Variants in SORL1 observed in about 807,000 individuals in gnomAD.
SORL1 encodes the protein sortilin-related receptor.
Under a neutral mutation model 273.7 loss-of-function variants are expected in SORL1, and 127 were observed. The ratio of observed to expected loss-of-function variants is 0.46; its 90% CI spans 0.40 to 0.54. SORL1 has a LOEUF of 0.54. SORL1 is among the 20% of genes least tolerant of loss of function. The pLI, the probability that SORL1 is intolerant of heterozygous loss-of-function variation, is 0.00. For missense variants in SORL1, 2,494 were observed against 2,846.1 expected, an observed-to-expected ratio of 0.88 and a Z score of 2.81; for synonymous variants, 1,031 against 1,067.4, an observed-to-expected ratio of 0.97 and a Z score of 0.66.
intron 31 of SORL1, among the ~76,000 whole-genome samples, chr11:121,592,633 A>G (rs547460788): frequency 3.9e-4 from 60 of 152,192 alleles, no homozygotes; most frequent in Middle Eastern, 6.8e-3. Flanking sequence ...TTCCATAGCC[A>G]TTGTGTGGAC....
At chr11:121,552,924 A>C (rs1456139276) in intron 16 of SORL1, among the ~76,000 whole-genome samples, 3 of 151,988 alleles carry the variant, frequency 2.0e-5, no homozygotes, top group African/African-American at 4.8e-5. Context: ...GCTTGTGTCC[A>C]CTCCTGGGGA....
Position 121,629,801 on chromosome 11 carries a change from T to G in SORL1, c.*238T>G. 1.2e-5 allele frequency: 6 copies of G among 515,076 alleles called. No homozygotes were observed. The highest frequency in any genetic ancestry group is 3.3e-5 in the East Asian group (1 of 29,890). The allele number at this position is 515,076 out of a possible 1,614,324, so 31.9% of individuals were successfully genotyped here. ...CAATTGCTTTGATTTGACATTAATG[T>G]AGTCTTACAGGGCTGTGCTTGCTGG... is the stretch of plus-strand genomic sequence containing the variant. On this transcript the variant is annotated 3_prime_UTR_variant, in exon 48 of 48. Coordinates refer to ENST00000260197, the MANE Select transcript of SORL1 (RefSeq NM_003105.6).
At chr11:121,606,800 C>A in intron 35 of SORL1, 45 bp from the exon 36 acceptor site, 1 of 1,295,400 alleles carries the variant, frequency 7.7e-7, no homozygotes, top group Non-Finnish European at 1.1e-6. Flanking sequence ...CTCTGGTTGG[C>A]TGCTATGCAG....
intron 26 of SORL1, among the ~76,000 whole-genome samples, chr11:121,585,383 T>C (rs755487819): frequency 6.6e-6 from 1 of 151,956 alleles, no homozygotes; most frequent in Non-Finnish European, 1.5e-5. Flanking sequence ...CTCAGGAGGC[T>C]GAGGTGGCAG....
Position 121,520,736 on chromosome 11 carries a change from G to T in SORL1, c.1291G>T (p.Gly431Cys). Residue 431 changes from glycine (G) to cysteine (C), a missense_variant, in exon 9 of 48, where the codon GGT becomes TGT. Transcript: ENST00000260197. Reference sequence around the variant, plus strand: ...AGTCTACATTGCTACTCTGATTAATGGTTCTATGAATGAGGAGAACATGAG... The same window carrying T: ...AGTCTACATTGCTACTCTGATTAATTGTTCTATGAATGAGGAGAACATGAG... ...QGVYIATLIN[G>C]SMNEENMRSV... The T allele has an allele frequency of 5.0e-6, 8 of 1,612,234 alleles. No homozygotes were observed. The highest frequency in any genetic ancestry group is 6.8e-6 in the Non-Finnish European group (8 of 1,179,110).
At chr11:121,490,881 G>A (rs1458398024) in intron 5 of SORL1, among the ~76,000 whole-genome samples, 4 of 152,112 alleles carry the variant, frequency 2.6e-5, no homozygotes, top group Admixed American at 6.6e-5. Flanking sequence ...GGTAAGGAAA[G>A]ACATTTCAGG....
chr11:121,580,875 G>T (rs1863004611), intron 25 of SORL1, among the ~76,000 whole-genome samples: 1 of 151,212 alleles, frequency 6.6e-6, no homozygotes, highest in Non-Finnish European at 1.5e-5. Flanking sequence ...AAAGTGCTGG[G>T]ATTACAGGTA....
intron 37 of SORL1, among the ~76,000 whole-genome samples, chr11:121,607,829 C>T (rs1428123213): frequency 3.9e-5 from 6 of 152,202 alleles, no homozygotes; most frequent in Non-Finnish European, 7.3e-5. Flanking sequence ...CCCCCCCATA[C>T]ACCTGCCCTT....
At chr11:121,528,256 A>T (rs634544) in intron 11 of SORL1, among the ~76,000 whole-genome samples, 1 of 152,126 alleles carries the variant, frequency 6.6e-6, no homozygotes, top group African/African-American at 2.4e-5. Context: ...ATCACTTGAG[A>T]CCAGGAGTTC....
chr11:121,477,549 C>G (rs1339936971), intron 2 of SORL1, among the ~76,000 whole-genome samples: 1 of 152,224 alleles, frequency 6.6e-6, no homozygotes, highest in East Asian at 1.9e-4. Flanking sequence ...GCCTTGGCCT[C>G]AGAAAAGAGG....
intron 16 of SORL1, among the ~76,000 whole-genome samples, chr11:121,551,714 C>T (rs1279114535): frequency 6.6e-6 from 1 of 152,158 alleles, no homozygotes; most frequent in Admixed American, 6.5e-5. Context: ...GGCAGGGCAG[C>T]CCTCTCTTTT....
intron 28 of SORL1, among the ~76,000 whole-genome samples, chr11:121,588,916 C>T (rs773162907): frequency 6.6e-6 from 1 of 152,150 alleles, no homozygotes; most frequent in African/African-American, 2.4e-5. Flanking sequence ...CTATTAGATT[C>T]GGGCCACCCA....
intron 12 of SORL1, among the ~76,000 whole-genome samples, chr11:121,536,825 G>A (rs1227909305): frequency 6.6e-6 from 1 of 152,074 alleles, no homozygotes; most frequent in Non-Finnish European, 1.5e-5. Context: ...AAGATTCGAG[G>A]TGCCAGGGGC....
intron 43 of SORL1, among the ~76,000 whole-genome samples, chr11:121,620,581 C>T (rs559299743): frequency 9.9e-5 from 15 of 152,192 alleles, no homozygotes; most frequent in Non-Finnish European, 2.1e-4. Context: ...GATTGAATTT[C>T]CTGTGCTTAC....
chr11:121,468,621 G>A (rs953140056), intron 1 of SORL1, among the ~76,000 whole-genome samples: 3 of 152,078 alleles, frequency 2.0e-5, no homozygotes, highest in East Asian at 1.9e-4. Context: ...GGGTTTCACC[G>A]TATTGGCCAG....
chr11:121,605,990 T>G (rs1426678175), intron 35 of SORL1, among the ~76,000 whole-genome samples: 1 of 152,164 alleles, frequency 6.6e-6, no homozygotes, highest in Non-Finnish European at 1.5e-5. Context: ...GGAGGCGCAA[T>G]CACTGCTCAC....
chr11:121,503,333 A>G (rs1727657458), intron 6 of SORL1, among the ~76,000 whole-genome samples: 1 of 151,822 alleles, frequency 6.6e-6, no homozygotes, highest in African/African-American at 2.4e-5. Flanking sequence ...TTCATTTTCA[A>G]TTAATTTTTG....
chr11:121,477,486 C>T (rs1166654884), intron 2 of SORL1, among the ~76,000 whole-genome samples: 1 of 152,230 alleles, frequency 6.6e-6, no homozygotes, highest in Non-Finnish European at 1.5e-5. Context: ...GAACTCAGCC[C>T]CGGTGAGGAG....
intron 6 of SORL1, among the ~76,000 whole-genome samples, chr11:121,503,737 A>T (rs1861746817): frequency 6.6e-6 from 1 of 152,124 alleles, no homozygotes; most frequent in Non-Finnish European, 1.5e-5. Context: ...TATTCCATTA[A>T]TCTGTATATC....
Sources: gnomAD v4.1 joint callset for allele counts (sites outside exome capture counted in the v4.1 genomes callset) on GRCh38, gnomAD v4.1.1 for gene constraint, MANE v1.5 for transcripts, NCBI Gene and HGNC (gene_info 2026-07-23, HGNC 2026-07-21) for gene names.